Variants in TTC6 observed in about 807,000 individuals in gnomAD.
TTC6 encodes tetratricopeptide repeat domain 6.
A neutral mutation model predicts 210.4 loss-of-function variants in TTC6; 172 were observed. That is an observed-to-expected ratio of 0.82 (90% CI 0.72 to 0.93). The LOEUF (loss-of-function observed/expected upper bound fraction) is 0.93. TTC6 is among the 40% of genes least tolerant of loss of function. The pLI is 0.00. For synonymous variants in TTC6, 804 were observed against 819.6 expected, an observed-to-expected ratio of 0.98 and a Z score of 0.32; for missense variants, 2,414 against 2,318.1, an observed-to-expected ratio of 1.04 and a Z score of -0.85.
chr14:37,653,856 A>T (rs2095717264), intron 1 of TTC6, among the ~76,000 whole-genome samples: 1 of 152,088 alleles, frequency 6.6e-6, no homozygotes, highest in East Asian at 1.9e-4. Flanking sequence ...TTTTTTATTT[A>T]TTTATACACT....
chr14:37,789,153 A>G (rs1289925967), intron 15 of TTC6, among the ~76,000 whole-genome samples: 1 of 152,156 alleles, frequency 6.6e-6, no homozygotes, highest in Non-Finnish European at 1.5e-5. Flanking sequence ...AATAATAATA[A>G]TGATATCTAA....
intron 1 of TTC6, among the ~76,000 whole-genome samples, chr14:37,630,092 T>A (rs2095666767): frequency 6.6e-6 from 1 of 152,148 alleles, no homozygotes; most frequent in Admixed American, 6.6e-5. Flanking sequence ...GGTTCTGATC[T>A]CATTTTAGTT....
intron 21 of TTC6, 115 bp from the exon 24 acceptor site, chr14:37,806,246 A>G: frequency 9.1e-7 from 1 of 1,101,006 alleles, no homozygotes; most frequent in East Asian, 2.6e-5. Flanking sequence ...ATTTAAAATA[A>G]TCCAAAAATA....
chr14:37,777,759 C>T (rs1024277068), intron 14 of TTC6, among the ~76,000 whole-genome samples: 3 of 140,924 alleles, frequency 2.1e-5, no homozygotes, highest in African/African-American at 8.0e-5. Context: ...AAATTTGTCT[C>T]CTTCGTGTAG....
At chr14:37,622,165 T>G in exon 1 of TTC6, 1 of 1,535,372 alleles carries the variant, frequency 6.5e-7, no homozygotes, top group Non-Finnish European at 8.7e-7. Flanking sequence ...AAGGATTTTC[T>G]CCGATTCAAG....
intron 1 of TTC6, among the ~76,000 whole-genome samples, chr14:37,640,740 G>A (rs2095690334): frequency 1.3e-5 from 2 of 151,910 alleles, no homozygotes; most frequent in African/African-American, 4.8e-5. Context: ...ATGGGGTTTT[G>A]CCATGTTGCC....
intron 3 of TTC6, among the ~76,000 whole-genome samples, chr14:37,690,690 A>C (rs2095801979): frequency 6.6e-6 from 1 of 152,156 alleles, no homozygotes; most frequent in African/African-American, 2.4e-5. Context: ...AACAGTTTTC[A>C]TTATATATGC....
chr14:37,692,224 A>AAAG (rs1555387760), intron 3 of TTC6, among the ~76,000 whole-genome samples: 12 of 143,060 alleles, frequency 8.4e-5, no homozygotes, highest in East Asian at 1.9e-4. Flanking sequence ...AAAAAAAAAA[A>AAAG]AAAAAAAAGA....
chr14:37,805,960 A>G (rs2096117656), intron 21 of TTC6, among the ~76,000 whole-genome samples: 1 of 152,102 alleles, frequency 6.6e-6, no homozygotes, highest in Non-Finnish European at 1.5e-5. Flanking sequence ...TTGGTCTCTC[A>G]AAGTGCTGGG....
At chr14:37,841,622 T>G in exon 30 of TTC6, 1 of 1,603,800 alleles carries the variant, frequency 6.2e-7, no homozygotes, top group Non-Finnish European at 8.5e-7. Flanking sequence ...AGCACATTTC[T>G]ACTACTGCTT....
At chr14:37,818,625 C>CAGCTACAT (rs1002106439) in intron 26 of TTC6, among the ~76,000 whole-genome samples, 1 of 151,918 alleles carries the variant, frequency 6.6e-6, no homozygotes, top group African/African-American at 2.4e-5. Flanking sequence ...ATATATAGTA[C>CAGCTACAT]AGCTACATTC....
intron 27 of TTC6, 48 bp from the exon 30 acceptor site, chr14:37,826,147 C>T (rs761754126): frequency 3.3e-6 from 5 of 1,525,802 alleles, no homozygotes; most frequent in South Asian, 1.3e-5. Flanking sequence ...AAACGTTTGT[C>T]ATGTTATGGA....
chr14:37,649,407 T>C (rs1357105421), intron 1 of TTC6, among the ~76,000 whole-genome samples: 1 of 152,168 alleles, frequency 6.6e-6, no homozygotes, highest in African/African-American at 2.4e-5. Context: ...TATAAGCCCC[T>C]AGCCCAGGGA....
chr14:37,681,884 A>G (rs1238147179), intron 2 of TTC6, among the ~76,000 whole-genome samples: 6 of 152,200 alleles, frequency 3.9e-5, no homozygotes, highest in Non-Finnish European at 2.9e-5. Flanking sequence ...AGTCAAGCCA[A>G]TGGAGCAGCT....
intron 6 of TTC6, chr14:37,720,560 TG>T (rs2095859851): frequency 8.6e-6 from 1 of 115,952 alleles, no homozygotes; most frequent in African/African-American, 3.3e-5. Context: ...GGTTGCACAG[TG>T]AAAAAAAAAA....
At chr14:37,659,482 A>G (rs914945887) in intron 1 of TTC6, among the ~76,000 whole-genome samples, 1 of 150,692 alleles carries the variant, frequency 6.6e-6, no homozygotes, top group Non-Finnish European at 1.5e-5. Context: ...AGCCATTCTG[A>G]CTGATATGAG....
intron 5 of TTC6, among the ~76,000 whole-genome samples, chr14:37,705,754 G>A (rs1307451247): frequency 2.8e-5 from 1 of 36,098 alleles, no homozygotes; most frequent in Non-Finnish European, 5.2e-5. Flanking sequence ...AATTAATATA[G>A]AGTTGTGCAG....
exon 12 of TTC6, chr14:37,749,768 T>C (rs974763301): frequency 1.4e-6 from 2 of 1,466,622 alleles, no homozygotes. Context: ...ACATTTAATT[T>C]ATCTTTTCCA....
intron 1 of TTC6, among the ~76,000 whole-genome samples, chr14:37,630,711 G>T (rs1415963370): frequency 6.6e-6 from 1 of 151,992 alleles, no homozygotes; most frequent in African/African-American, 2.4e-5. Flanking sequence ...TTGTGTGGGT[G>T]TTTAAGTCTT....
Sources: gnomAD v4.1 joint callset for allele counts (sites outside exome capture counted in the v4.1 genomes callset) on GRCh38, gnomAD v4.1.1 for gene constraint, MANE v1.5 for transcripts, NCBI Gene and HGNC (gene_info 2026-07-23, HGNC 2026-07-21) for gene names.